The following YWHAQ variants were observed in gnomAD, a reference collection of about 807,000 sequenced individuals.
The protein encoded by YWHAQ is 14-3-3 protein theta.
In YWHAQ, 6 loss-of-function variants were observed where a neutral mutation model predicts 28.3. The observed-to-expected ratio is 0.21, with a 90% CI of 0.12 to 0.42. The LOEUF (loss-of-function observed/expected upper bound fraction) is 0.42, where lower values mean the gene tolerates loss of function less well. Ranked by LOEUF, YWHAQ falls within the 10% of genes least tolerant of loss-of-function variation. The pLI is 1.00. For missense variants in YWHAQ, 201 were observed against 305.6 expected (o/e 0.66, Z 2.55); for synonymous variants, 143 against 119.1 (o/e 1.20, Z -1.31).
chr2:9,614,663 T>C (rs919668645), intron 2 of YWHAQ, among the ~76,000 whole-genome samples: 6 of 152,182 alleles, frequency 3.9e-5, no homozygotes, highest in African/African-American at 1.4e-4. Flanking sequence ...AGATAGAAAA[T>C]GGTTTATACT....
intron 2 of YWHAQ, among the ~76,000 whole-genome samples, chr2:9,617,457 C>T (rs543977980): frequency 3.3e-5 from 5 of 152,062 alleles, no homozygotes; most frequent in East Asian, 1.9e-4. Context: ...TGGTTGCCAG[C>T]GGGGAATGGA....
At chr2:9,610,469 C>T (rs1279513866) in intron 2 of YWHAQ, among the ~76,000 whole-genome samples, 3 of 152,164 alleles carry the variant, frequency 2.0e-5, no homozygotes, top group East Asian at 3.9e-4. Flanking sequence ...CAAGTGCCTC[C>T]GACATATATT....
chr2:9,605,629 C>T (rs796713144), intron 2 of YWHAQ, among the ~76,000 whole-genome samples: 35 of 152,020 alleles, frequency 2.3e-4, no homozygotes, highest in Middle Eastern at 3.4e-3. Flanking sequence ...GGTGCGATCT[C>T]GGCTCACTGC....
rs568126402 is a variant in YWHAQ at position 9,617,183 on chromosome 2, C to T, written c.294+12976G>A. Among the ~76,000 whole-genome samples, 26 of 151,442 alleles carry T rather than the reference C, an allele frequency of 1.7e-4. No homozygotes were observed. In the South Asian group the frequency reaches 5.4e-3, roughly 32 times the overall value. On this transcript the variant is annotated intron_variant, in intron 2 of 5. Coordinates refer to ENST00000238081, the MANE Select transcript of YWHAQ (RefSeq NM_006826.4). The stretch of plus-strand genomic sequence containing the variant: ...TTCACCATGTTAGCCAAGATGGTCT[C>T]CATCTCCTGACCTCGTGATCCGCCC...
intron 2 of YWHAQ, among the ~76,000 whole-genome samples, chr2:9,627,868 A>T (rs1307161386): frequency 6.6e-6 from 1 of 152,100 alleles, no homozygotes; most frequent in African/African-American, 2.4e-5. Flanking sequence ...TTTAATACTG[A>T]CACCTCCGCC....
intron 2 of YWHAQ, among the ~76,000 whole-genome samples, chr2:9,594,653 A>T (rs551322641): frequency 1.2e-4 from 18 of 152,276 alleles, no homozygotes; most frequent in Middle Eastern, 6.8e-3. Flanking sequence ...ATGAAATTCC[A>T]CAGGATCTCC....
At chr2:9,588,406 T>C (rs1372394396) in intron 3 of YWHAQ, 78 bp from the exon 4 acceptor site, 45 of 1,496,090 alleles carry the variant, frequency 3.0e-5, no homozygotes, top group Non-Finnish European at 3.8e-5. Flanking sequence ...CTTGAACATA[T>C]GCTACTAGCT....
chr2:9,624,606 G>C (rs920371645), intron 2 of YWHAQ, among the ~76,000 whole-genome samples: 1 of 152,128 alleles, frequency 6.6e-6, no homozygotes. Flanking sequence ...CCCACTAGAC[G>C]TGAGCAGCAC....
chr2:9,585,161 AC>A lies in YWHAQ; in HGVS notation c.*124del. The A allele has an allele frequency of 2.8e-6, 3 of 1,064,536 alleles. No homozygotes were observed. Among genetic ancestry groups the A allele is most frequent in the Non-Finnish European group, 2.8e-6 (2 of 713,510 alleles). 65.9% of individuals were successfully genotyped at this position (1,064,536 alleles called of 1,614,324 possible). A position where few individuals can be genotyped will look rare whatever the true frequency, so the allele number is the denominator to read the frequency against. On this transcript the variant is annotated 3_prime_UTR_variant, in exon 6 of 6. Transcript: ENST00000238081. ...TTTCCCAAAGCTGCAGTGTGAAAAG[AC>A]TATAAACAGTTGATTCCATACACAT...
intron 2 of YWHAQ, among the ~76,000 whole-genome samples, chr2:9,594,246 A>G (rs1468148964): frequency 6.6e-6 from 1 of 152,162 alleles, no homozygotes; most frequent in Non-Finnish European, 1.5e-5. Flanking sequence ...TGTGCTCAAC[A>G]TCACCAATAT....
chr2:9,611,645 T>A (rs1034389617), intron 2 of YWHAQ, among the ~76,000 whole-genome samples: 1 of 152,192 alleles, frequency 6.6e-6, no homozygotes, highest in African/African-American at 2.4e-5. Context: ...TTGAAATATG[T>A]ATATCTACTA....
intron 2 of YWHAQ, among the ~76,000 whole-genome samples, chr2:9,619,509 C>T (rs994646914): frequency 6.6e-6 from 1 of 151,920 alleles, no homozygotes; most frequent in Admixed American, 6.6e-5. Flanking sequence ...GATCGTGCCA[C>T]TACATTCCAG....
At chr2:9,611,402 C>T (rs1666944732) in intron 2 of YWHAQ, among the ~76,000 whole-genome samples, 1 of 152,182 alleles carries the variant, frequency 6.6e-6, no homozygotes, top group Non-Finnish European at 1.5e-5. Context: ...AATGAATAAG[C>T]TAACTTTCCT....
At chr2:9,589,672 A>G (rs1020878208) in intron 3 of YWHAQ, among the ~76,000 whole-genome samples, 1 of 152,068 alleles carries the variant, frequency 6.6e-6, no homozygotes. Flanking sequence ...CAAAATCTCT[A>G]TTTTTCTGAT....
chr2:9,587,375 T>C, intron 5 of YWHAQ, 39 bp downstream of exon 5: 1 of 1,556,778 alleles, frequency 6.4e-7, no homozygotes, highest in Non-Finnish European at 8.7e-7. Flanking sequence ...TACTTTTGTT[T>C]CTGAAAAGAA....
intron 2 of YWHAQ, among the ~76,000 whole-genome samples, chr2:9,595,245 T>A (rs1465664190): frequency 6.6e-6 from 1 of 152,142 alleles, no homozygotes; most frequent in East Asian, 1.9e-4. Flanking sequence ...TTCATGTCTT[T>A]CCCAAATAAT....
At position 9,615,459 on chromosome 2, in the gene YWHAQ, A is replaced by G. The variant is rs376898222; in HGVS notation, c.294+14700T>C. 4 of 152,256 alleles carry G rather than the reference A, an allele frequency of 2.6e-5. No homozygotes were observed. The East Asian group carries it at 7.7e-4, about 29-fold the overall frequency. 9.4% of individuals were successfully genotyped at this position (152,256 alleles called of 1,614,324 possible). Reference sequence around the variant, plus strand: ...AGGTAAGAAAGTGGGCAATATAGGAAAGAACCACAGGTAGTTTCATGTGGT... The same window carrying G: ...AGGTAAGAAAGTGGGCAATATAGGAGAGAACCACAGGTAGTTTCATGTGGT... On this transcript the variant is annotated intron_variant, in intron 2 of 5. Coordinates refer to ENST00000238081, the MANE Select transcript of YWHAQ (RefSeq NM_006826.4).
intron 2 of YWHAQ, among the ~76,000 whole-genome samples, chr2:9,609,815 CAT>C (rs1262181267): frequency 3.3e-5 from 5 of 152,102 alleles, no homozygotes; most frequent in African/African-American, 1.2e-4. Context: ...AGTGCAAAAA[CAT>C]AAAGACGTTT....
chr2:9,605,323 G>C (rs1666801082), intron 2 of YWHAQ, among the ~76,000 whole-genome samples: 1 of 151,578 alleles, frequency 6.6e-6, no homozygotes. Context: ...TTTTTTTGTA[G>C]AGATGGGGTT....
Sources: allele counts gnomAD v4.1 joint callset (sites outside exome capture counted in the v4.1 genomes callset), GRCh38; gene constraint gnomAD v4.1.1; transcripts MANE v1.5; gene names NCBI Gene and HGNC (gene_info 2026-07-23, HGNC 2026-07-21).